Variants in ARID4B observed in about 807,000 individuals in gnomAD.
ARID4B encodes AT-rich interactive domain-containing protein 4B.
ARID4B carries 26 observed loss-of-function variants against 147.5 expected under a neutral mutation model. The ratio of observed to expected loss-of-function variants is 0.18; its 90% CI spans 0.13 to 0.24. ARID4B has a LOEUF of 0.24. ARID4B is among the 10% of genes least tolerant of loss of function. The pLI is 1.00. For missense variants in ARID4B, 1,179 were observed against 1,511.5 expected, an observed-to-expected ratio of 0.78 and a Z score of 3.65; for synonymous variants, 512 against 507.9, an observed-to-expected ratio of 1.01 and a Z score of -0.11.
chr1:235,264,055 A>C (rs1310431953), intron 2 of ARID4B, among the ~76,000 whole-genome samples: 1 of 152,158 alleles, frequency 6.6e-6, no homozygotes, highest in Non-Finnish European at 1.5e-5. Context: ...ACTGAAACAC[A>C]TCATCAGAGC....
intron 2 of ARID4B, among the ~76,000 whole-genome samples, chr1:235,310,604 T>C (rs1315603362): frequency 3.3e-5 from 5 of 152,252 alleles, no homozygotes; most frequent in African/African-American, 9.6e-5. Context: ...TTATAAACTA[T>C]ATATTCTGAC....
At chr1:235,255,287 C>A (rs9428367) in intron 5 of ARID4B, among the ~76,000 whole-genome samples, 42,822 of 135,860 alleles carry the variant, frequency 0.32, 7,201 homozygotes, top group East Asian at 0.55. Context: ...CTCTCTCTCT[C>A]TATATATATA....
chr1:235,177,628 C>A, intron 21 of ARID4B, 172 bp downstream of exon 21: 1 of 471,994 alleles, frequency 2.1e-6, no homozygotes, highest in Non-Finnish European at 3.7e-6. Flanking sequence ...TTTTTTTTGT[C>A]TATTTTGTTT....
At chr1:235,255,460 T>C (rs565906531) in intron 5 of ARID4B, among the ~76,000 whole-genome samples, 200 bp downstream of exon 5, 3 of 152,148 alleles carry the variant, frequency 2.0e-5, no homozygotes, top group African/African-American at 7.2e-5. Flanking sequence ...AATATACACA[T>C]TAAATAATTT....
At chr1:235,170,611 G>A (rs1289485278) in intron 23 of ARID4B, among the ~76,000 whole-genome samples, 2 of 151,950 alleles carry the variant, frequency 1.3e-5, no homozygotes, top group South Asian at 2.1e-4. Context: ...GGTGGTGGGC[G>A]CCTGTAGTCC....
chr1:235,298,203 G>A (rs889143187), intron 2 of ARID4B, among the ~76,000 whole-genome samples: 7 of 152,046 alleles, frequency 4.6e-5, no homozygotes, highest in Non-Finnish European at 1.5e-5. Flanking sequence ...ATACCAAGAT[G>A]GCAAAATATT....
At chr1:235,299,134 G>A (rs139173016) in intron 2 of ARID4B, among the ~76,000 whole-genome samples, 79 of 152,288 alleles carry the variant, frequency 5.2e-4, no homozygotes, top group African/African-American at 1.8e-3. Context: ...ACTTTCTAGA[G>A]CCACCTTAAA....
intron 2 of ARID4B, among the ~76,000 whole-genome samples, chr1:235,290,688 T>C (rs1672281696): frequency 6.6e-6 from 1 of 152,214 alleles, no homozygotes; most frequent in African/African-American, 2.4e-5. Flanking sequence ...AACTGGTTGT[T>C]TGCAGCTGGA....
At chr1:235,214,983 A>G (rs2103011046) in intron 16 of ARID4B, among the ~76,000 whole-genome samples, 1 of 151,910 alleles carries the variant, frequency 6.6e-6, no homozygotes, top group Non-Finnish European at 1.5e-5. Context: ...CTGGGATTAC[A>G]GGCACCCACC....
Position 235,168,507 on chromosome 1 carries a change from C to CTTTA in ARID4B, c.*14_*17dup. 1 of 1,613,214 alleles carries CTTTA rather than the reference C, an allele frequency of 6.2e-7. No individual in the cohort carries two copies. Among genetic ancestry groups the CTTTA allele is most frequent in the Non-Finnish European group, 8.5e-7 (1 of 1,179,496 alleles). The stretch of plus-strand genomic sequence containing the variant: ...CTCAACAGCCATTAAGTGCAAAGTG[C>CTTTA]TTTAGCAAGTCCTGCTGTCACCTGC... On this transcript the variant is annotated 3_prime_UTR_variant, in exon 24 of 24. Coordinates refer to ENST00000264183, the MANE Select transcript of ARID4B (RefSeq NM_016374.6).
At chr1:235,281,100 C>T (rs1671644636) in intron 2 of ARID4B, among the ~76,000 whole-genome samples, 1 of 145,476 alleles carries the variant, frequency 6.9e-6, no homozygotes, top group African/African-American at 2.8e-5. Context: ...GGCTTCTCAC[C>T]AGGACAACTC....
At position 235,167,209 on chromosome 1, in the gene ARID4B, C is replaced by G. The variant is rs898975419; in HGVS notation, c.*1316G>C. 9.6e-6 allele frequency: 2 copies of G among 209,040 alleles called. No homozygotes were observed. Among genetic ancestry groups the G allele is most frequent in the African/African-American group, 4.5e-5 (2 of 43,988 alleles). 12.9% of individuals were successfully genotyped at this position (209,040 alleles called of 1,614,324 possible). On this transcript the variant is annotated 3_prime_UTR_variant, in exon 24 of 24. Transcript: ENST00000264183. ...ACAACAAAACGCATTGAAATTCCCA[C>G]GTCGTATTGCCAGGAAACAAAGAAA...
At chr1:235,205,139 A>G (rs960902779) in intron 17 of ARID4B, among the ~76,000 whole-genome samples, 1 of 152,214 alleles carries the variant, frequency 6.6e-6, no homozygotes, top group Non-Finnish European at 1.5e-5. Context: ...GAAAATGAGT[A>G]GAACAACTTT....
At position 235,174,986 on chromosome 1, in the gene ARID4B, A is replaced by T. The variant is rs145921126; in HGVS notation, c.3664+198T>A. Among the ~76,000 whole-genome samples, 58 of 152,250 alleles carry T rather than the reference A, an allele frequency of 3.8e-4. 1 individual carries two copies. The East Asian group carries it at 0.01, about 27-fold the overall frequency. The stretch of plus-strand genomic sequence containing the variant: ...CTGGGTGTGGTGGCGCGTGCCTGTA[A>T]TCCCAGCTACTTGGGAGGCTGAGGC... On this transcript the variant is annotated intron_variant, in intron 22 of 23. Transcript: ENST00000264183.
intron 7 of ARID4B, among the ~76,000 whole-genome samples, chr1:235,245,513 T>C (rs1236920479): frequency 1.3e-5 from 2 of 152,144 alleles, no homozygotes; most frequent in Non-Finnish European, 2.9e-5. Context: ...AAAAAACTTA[T>C]TGACAAATAA....
intron 6 of ARID4B, among the ~76,000 whole-genome samples, chr1:235,250,824 A>G (rs1669596086): frequency 1.3e-5 from 2 of 152,238 alleles, no homozygotes; most frequent in Admixed American, 6.5e-5. Context: ...TATTACCTTC[A>G]GCATTTAACT....
intron 20 of ARID4B, among the ~76,000 whole-genome samples, chr1:235,179,538 A>C (rs1203228257): frequency 9.0e-6 from 1 of 110,660 alleles, no homozygotes; most frequent in African/African-American, 4.2e-5. Flanking sequence ...AAAAAAAAAA[A>C]AAAAAAAAAA....
chr1:235,319,153 A>G (rs1674645030), intron 2 of ARID4B, among the ~76,000 whole-genome samples: 1 of 152,258 alleles, frequency 6.6e-6, no homozygotes, highest in Non-Finnish European at 1.5e-5. Flanking sequence ...ATTAACAAAA[A>G]AGTTTTCAAA....
chr1:235,176,946 C>G (rs150689034), intron 21 of ARID4B: 19 of 470,916 alleles, frequency 4.0e-5, no homozygotes, highest in Non-Finnish European at 6.6e-5. Flanking sequence ...CTTACTTTGT[C>G]TACAAAAGAG....
Sources: allele counts gnomAD v4.1 joint callset (sites outside exome capture counted in the v4.1 genomes callset), GRCh38; gene constraint gnomAD v4.1.1; transcripts MANE v1.5; gene names NCBI Gene and HGNC (gene_info 2026-07-23, HGNC 2026-07-21).